SPPL2A: variants seen among roughly 807,000 people sequenced by gnomAD.
The protein encoded by SPPL2A is signal peptide peptidase like 2A.
A neutral mutation model predicts 63.8 loss-of-function variants in SPPL2A; 51 were observed. That is an observed-to-expected ratio of 0.80 (90% CI 0.64 to 1.01). The LOEUF (loss-of-function observed/expected upper bound fraction) is 1.01. Ranked by LOEUF, SPPL2A falls within the 50% of genes least tolerant of loss-of-function variation. The pLI, the probability that SPPL2A is intolerant of heterozygous loss-of-function variation, is 0.00. For missense variants in SPPL2A, 553 were observed against 622.7 expected (o/e 0.89, Z 1.19); for synonymous variants, 188 against 205.8 (o/e 0.91, Z 0.74).
chr15:50,741,778 C>A (rs757296828), intron 5 of SPPL2A, among the ~76,000 whole-genome samples: 25 of 151,740 alleles, frequency 1.6e-4, no homozygotes, highest in Non-Finnish European at 2.9e-4. Context: ...CCAGCCTGGC[C>A]AACATGATGA....
intron 5 of SPPL2A, among the ~76,000 whole-genome samples, chr15:50,746,057 A>G (rs1250924551): frequency 6.6e-6 from 1 of 151,894 alleles, no homozygotes; most frequent in Non-Finnish European, 1.5e-5. Flanking sequence ...TCTCAAAAAA[A>G]TATATATAAA....
intron 5 of SPPL2A, among the ~76,000 whole-genome samples, chr15:50,744,370 A>G (rs2062842930): frequency 6.6e-6 from 1 of 152,166 alleles, no homozygotes; most frequent in South Asian, 2.1e-4. Context: ...AAATTTTAGT[A>G]TTTAAGAAAT....
rs145864383 is a variant in SPPL2A, at chr15:50,763,962, C to T, written c.66+1506G>A. ...CAGAACGTGGGAGACAGCCTAGATA[C>T]AATTTAGAACAGGGATGATCTTTAG... On this transcript the variant is annotated intron_variant, in intron 1 of 14. Transcript: ENST00000261854. Among the ~76,000 whole-genome samples the T allele has an allele frequency of 1.2e-3, 179 of 152,238 alleles. 1 individual carries two copies. The highest frequency in any genetic ancestry group is 4.1e-3 in the African/African-American group (169 of 41,560).
intron 12 of SPPL2A, among the ~76,000 whole-genome samples, chr15:50,722,488 G>A (rs574254791): frequency 2.9e-4 from 44 of 151,240 alleles, no homozygotes; most frequent in African/African-American, 1.0e-3. Flanking sequence ...ACGGAGTCTC[G>A]CTCTGTTGCC....
intron 1 of SPPL2A, among the ~76,000 whole-genome samples, chr15:50,755,484 A>G (rs1337932761): frequency 1.3e-5 from 2 of 151,836 alleles, no homozygotes; most frequent in Non-Finnish European, 2.9e-5. Flanking sequence ...AGCTTGGTGT[A>G]CAGGCGTGTA....
intron 12 of SPPL2A, among the ~76,000 whole-genome samples, chr15:50,722,481 G>C (rs2062656288): frequency 6.6e-6 from 1 of 151,674 alleles, no homozygotes; most frequent in African/African-American, 2.4e-5. Context: ...TTTTGAGACG[G>C]AGTCTCGCTC....
At chr15:50,724,140 A>C (rs933508759) in intron 12 of SPPL2A, among the ~76,000 whole-genome samples, 1 of 152,204 alleles carries the variant, frequency 6.6e-6, no homozygotes, top group African/African-American at 2.4e-5. Context: ...AGATTCACTG[A>C]GCTAACATGT....
At position 50,748,864 on chromosome 15, in the gene SPPL2A, T is replaced by C; in HGVS notation, c.184A>G (p.Ile62Val). The change falls in exon 3 of 15, where the codon ATT (isoleucine) becomes GTT (valine). Residue 62 changes from isoleucine (I) to valine (V), a missense_variant. Ile to Val is a conservative substitution (Grantham distance 29). Transcript: ENST00000261854. Reference protein sequence around the residue: ...LPSTLENATSISLMNLTSTPL... With the variant: ...LPSTLENATSVSLMNLTSTPL... ...GTGGAAGTCAGATTCATCAAACTAATGGAAGTCTGAAAATAAGAAATGTCT... is the reference window on the plus strand; with the variant it reads ...GTGGAAGTCAGATTCATCAAACTAACGGAAGTCTGAAAATAAGAAATGTCT... 2 of 1,567,024 alleles carry C rather than the reference T, an allele frequency of 1.3e-6. No individual in the cohort carries two copies. Among genetic ancestry groups the C allele is most frequent in the South Asian group, 1.2e-5 (1 of 84,840 alleles).
At chr15:50,719,398 C>A (rs553046468) in intron 14 of SPPL2A, among the ~76,000 whole-genome samples, 65 of 152,248 alleles carry the variant, frequency 4.3e-4, no homozygotes, top group Non-Finnish European at 7.4e-5. Context: ...GCGCCTGCCA[C>A]AACACCCGGC....
chr15:50,748,672 T>C lies in SPPL2A; in HGVS notation c.360+16A>G, dbSNP rs373383464. On this transcript the variant is annotated intron_variant, in intron 3 of 14. Transcript: ENST00000261854. ...TCATGAACTCAAAATAAGATATGAT[T>C]GTTTTTATAACTTACTAGGACACTG... 313 of 1,498,916 alleles carry C rather than the reference T, an allele frequency of 2.1e-4. 1 individual carries two copies. Among genetic ancestry groups the C allele is most frequent in the Non-Finnish European group, 2.8e-4 (308 of 1,112,716 alleles). The allele number at this position is 1,498,916 out of a possible 1,614,324, so 92.9% of individuals were successfully genotyped here.
chr15:50,740,949 C>T (rs1432323461), intron 5 of SPPL2A, among the ~76,000 whole-genome samples: 1 of 152,164 alleles, frequency 6.6e-6, no homozygotes, highest in African/African-American at 2.4e-5. Flanking sequence ...TCTCAATCAA[C>T]TTAGCATTTA....
rs975346254 is a variant in SPPL2A at position 50,765,605 on chromosome 15, G to A, written c.-72C>T. On this transcript the variant is annotated 5_prime_UTR_variant, in exon 1 of 15. Coordinates refer to ENST00000261854, the MANE Select transcript of SPPL2A (RefSeq NM_032802.4). Reference sequence around the variant, plus strand: ...CTCGGCGGGGTAGGCTCGGAGTCCCGCCGCTGCGCTGCCTCCGTGGCCGGA... The same window carrying A: ...CTCGGCGGGGTAGGCTCGGAGTCCCACCGCTGCGCTGCCTCCGTGGCCGGA... 3.7e-6 allele frequency: 4 copies of A among 1,089,604 alleles called. No homozygotes were observed. The highest frequency in any genetic ancestry group is 4.6e-5 in the South Asian group (2 of 43,904). The allele number at this position is 1,089,604 out of a possible 1,614,324, so 67.5% of individuals were successfully genotyped here. A position where few individuals can be genotyped will look rare whatever the true frequency, so the allele number is the denominator to read the frequency against.
intron 4 of SPPL2A, 79 bp from the exon 5 acceptor site, chr15:50,747,707 A>C: frequency 2.0e-6 from 2 of 993,880 alleles, no homozygotes; most frequent in Non-Finnish European, 3.1e-6. Context: ...TCCACATTTC[A>C]CTCTGGAATG....
At chr15:50,723,425 G>A (rs2062662981) in intron 12 of SPPL2A, among the ~76,000 whole-genome samples, 2 of 152,088 alleles carry the variant, frequency 1.3e-5, no homozygotes, top group South Asian at 2.1e-4. Context: ...ATCAACAGAT[G>A]AATGAATAAA....
intron 5 of SPPL2A, among the ~76,000 whole-genome samples, chr15:50,746,528 G>A (rs531771950): frequency 6.6e-6 from 1 of 150,672 alleles, no homozygotes; most frequent in African/African-American, 2.4e-5. Context: ...TTCTCTAAAT[G>A]CATAAGAGTT....
chr15:50,719,078 A>G (rs1046346171), intron 14 of SPPL2A, among the ~76,000 whole-genome samples: 1 of 152,016 alleles, frequency 6.6e-6, no homozygotes, highest in African/African-American at 2.4e-5. Context: ...ATTTAGGGGG[A>G]AAAAAAAGAA....
chr15:50,754,464 T>A (rs2062937172), intron 1 of SPPL2A, among the ~76,000 whole-genome samples: 1 of 152,200 alleles, frequency 6.6e-6, no homozygotes, highest in African/African-American at 2.4e-5. Context: ...AAATTGGCTG[T>A]GGTGATAGTT....
chr15:50,763,108 A>G (rs1271877364), intron 1 of SPPL2A, among the ~76,000 whole-genome samples: 2 of 152,058 alleles, frequency 1.3e-5, no homozygotes, highest in Non-Finnish European at 2.9e-5. Flanking sequence ...TCACTAATCA[A>G]AGGAACTCAG....
At chr15:50,742,454 C>T (rs1261585738) in intron 5 of SPPL2A, among the ~76,000 whole-genome samples, 2 of 152,112 alleles carry the variant, frequency 1.3e-5, no homozygotes, top group Non-Finnish European at 2.9e-5. Flanking sequence ...GGCATCTTTC[C>T]CTTTTGCTTA....
Sources: allele counts gnomAD v4.1 joint callset (sites outside exome capture counted in the v4.1 genomes callset), GRCh38; gene constraint gnomAD v4.1.1; transcripts MANE v1.5; gene names NCBI Gene and HGNC (gene_info 2026-07-23, HGNC 2026-07-21).